CAST: variants seen among roughly 807,000 people sequenced by gnomAD.
CAST encodes the protein MIR583 host.
Under a neutral mutation model 119.6 loss-of-function variants are expected in CAST, and 76 were observed. The observed-to-expected ratio is 0.64, with a 90% CI of 0.53 to 0.77. The LOEUF (loss-of-function observed/expected upper bound fraction) is 0.77, where lower values mean the gene tolerates loss of function less well. Ranked by LOEUF, CAST falls within the 30% of genes least tolerant of loss-of-function variation. CAST has a pLI of 0.00. For synonymous variants in CAST, 319 were observed against 331.6 expected (o/e 0.96, Z 0.41); for missense variants, 953 against 946.5 (o/e 1.01, Z -0.09).
At chr5:96,347,511 G>A in the CAST span, among the ~76,000 whole-genome samples, 5 of 152,090 alleles carry the variant, frequency 3.3e-5, no homozygotes, top group Admixed American at 6.6e-5. Flanking sequence ...ATACCAAGCT[G>A]GTCTATCTGT....
rs1451857782 is a variant in CAST, at chr5:96,707,862, C to CTAGGATAGAGTTGTT, written c.210+11955_210+11956insTAGGATAGAGTTGTT. On this transcript the variant is annotated intron_variant, in intron 3 of 31. Coordinates refer to ENST00000675179, the MANE Select transcript of CAST (RefSeq NM_001750.7). Reference sequence around the variant, plus strand: ...CACACCTCAGGGCCTCCAGAGTTGCCGGGGAAAGTGTGAGCTATGAGTGCT... The same window carrying CTAGGATAGAGTTGTT: ...CACACCTCAGGGCCTCCAGAGTTGCCTAGGATAGAGTTGTTGGGGAAAGTGTGAGCTATGAGTGCT... Among the ~76,000 whole-genome samples, 592 of 152,162 alleles carry CTAGGATAGAGTTGTT rather than the reference C, an allele frequency of 3.9e-3. 9 individuals carry two copies. The highest frequency in any genetic ancestry group is 0.033 in the South Asian group (158 of 4,814).
At chr5:95,992,440 A>C in the CAST span, among the ~76,000 whole-genome samples, 1 of 151,072 alleles carries the variant, frequency 6.6e-6, no homozygotes, top group Non-Finnish European at 1.5e-5. Flanking sequence ...CCATGGGCCT[A>C]GTCTAATCAT....
At position 96,716,649 on chromosome 5, in the gene CAST, A is replaced by G. The variant is rs138859197; in HGVS notation, c.211-5990A>G. 1.5e-3 allele frequency among the ~76,000 whole-genome samples: 236 copies of G among 152,280 alleles called. 1 individual carries two copies. The highest frequency in any genetic ancestry group is 4.9e-3 in the African/African-American group (202 of 41,542). Reference sequence around the variant, plus strand: ...TTCACCCATGATTGCCTTTATTTCAATATTTGAGATGTGTTATTAAATAAG... The same window carrying G: ...TTCACCCATGATTGCCTTTATTTCAGTATTTGAGATGTGTTATTAAATAAG... On this transcript the variant is annotated intron_variant, in intron 3 of 31. Transcript: ENST00000675179.
chr5:96,079,852 C>A, the CAST span, among the ~76,000 whole-genome samples: 1 of 151,840 alleles, frequency 6.6e-6, no homozygotes, highest in African/African-American at 2.4e-5. Flanking sequence ...TTTAAATGGC[C>A]CTATGATGAG....
the CAST span, among the ~76,000 whole-genome samples, chr5:96,004,747 A>G: frequency 6.6e-6 from 1 of 152,238 alleles, no homozygotes; most frequent in Non-Finnish European, 1.5e-5. Context: ...TGTAGTCTTT[A>G]AGAGATAAGA....
chr5:96,567,501 T>C (rs1746488203), intron 1 of CAST, among the ~76,000 whole-genome samples: 1 of 152,174 alleles, frequency 6.6e-6, no homozygotes, highest in Admixed American at 6.5e-5. Flanking sequence ...TAATCAGTCC[T>C]AATTCATCCT....
chr5:96,015,285 G>A, the CAST span, among the ~76,000 whole-genome samples: 2 of 151,896 alleles, frequency 1.3e-5, no homozygotes, highest in African/African-American at 4.8e-5. Flanking sequence ...TTATATATGT[G>A]TGTATGTGTA....
chr5:96,762,833 A>G (rs1025883406), intron 25 of CAST: 2 of 321,032 alleles, frequency 6.2e-6, no homozygotes, highest in African/African-American at 2.1e-5. Context: ...ATGGAATAGC[A>G]TTGTTTTCTT....
the CAST span, among the ~76,000 whole-genome samples, chr5:96,153,192 G>C: frequency 6.6e-6 from 1 of 152,106 alleles, no homozygotes; most frequent in South Asian, 2.1e-4. Context: ...ATAAGCATTT[G>C]TGTCAGGCAA....
At chr5:96,764,318 C>A (rs1769046470) in intron 25 of CAST, among the ~76,000 whole-genome samples, 1 of 152,116 alleles carries the variant, frequency 6.6e-6, no homozygotes, top group Non-Finnish European at 1.5e-5. Context: ...TCACATTTCA[C>A]GGCCAAGGAA....
chr5:96,696,136 G>A (rs770705988), intron 3 of CAST: 25 of 271,492 alleles, frequency 9.2e-5, no homozygotes, highest in East Asian at 7.1e-4. Context: ...TATAATAAGC[G>A]TTAAATAAAT....
chr5:96,000,968 A>G, the CAST span, among the ~76,000 whole-genome samples: 4 of 152,312 alleles, frequency 2.6e-5, no homozygotes, highest in East Asian at 5.8e-4. Flanking sequence ...CCTTATTAAA[A>G]ATGGCTAAAA....
intron 1 of CAST, among the ~76,000 whole-genome samples, chr5:96,576,999 A>G (rs548623068): frequency 1.2e-3 from 190 of 152,046 alleles, no homozygotes; most frequent in Non-Finnish European, 2.1e-3. Flanking sequence ...CCCTCCCACA[A>G]CAGGCCCCAG....
chr5:96,707,725 C>A (rs1174856076), intron 3 of CAST, among the ~76,000 whole-genome samples: 1 of 152,140 alleles, frequency 6.6e-6, no homozygotes, highest in Non-Finnish European at 1.5e-5. Flanking sequence ...ATTGATATTT[C>A]ACTCAAAGTT....
the CAST span, among the ~76,000 whole-genome samples, chr5:96,208,439 T>C: frequency 2.0e-5 from 3 of 152,068 alleles, no homozygotes; most frequent in East Asian, 5.8e-4. Flanking sequence ...ATGAGATCTT[T>C]TTAACTTTTC....
At chr5:96,238,554 A>ATTTTTTTTTTTTTTTTTT in the CAST span, among the ~76,000 whole-genome samples, 1 of 136,248 alleles carries the variant, frequency 7.3e-6, no homozygotes. Context: ...CACCTGGCTA[A>ATTTTTTTTTTTTTTTTTT]TTTTTTTTTT....
chr5:96,651,182 A>G (rs1045746895), intron 1 of CAST, among the ~76,000 whole-genome samples: 9 of 152,162 alleles, frequency 5.9e-5, no homozygotes, highest in Non-Finnish European at 1.3e-4. Flanking sequence ...ACAAAAATCT[A>G]CTGTGCCCTG....
chr5:96,664,117 T>G (rs757460694), intron 1 of CAST, among the ~76,000 whole-genome samples: 1 of 152,130 alleles, frequency 6.6e-6, no homozygotes, highest in Non-Finnish European at 1.5e-5. Flanking sequence ...CTAGCTACCC[T>G]GTATAAGAAT....
chr5:96,400,622 AG>A, the CAST span, among the ~76,000 whole-genome samples: 2 of 152,236 alleles, frequency 1.3e-5, no homozygotes, highest in Non-Finnish European at 2.9e-5. Flanking sequence ...CTTCCTTCTT[AG>A]GAAGAGTGAG....
Sources: gnomAD v4.1 joint callset for allele counts (sites outside exome capture counted in the v4.1 genomes callset) on GRCh38, gnomAD v4.1.1 for gene constraint, MANE v1.5 for transcripts, NCBI Gene and HGNC (gene_info 2026-07-23, HGNC 2026-07-21) for gene names.